The following TACC2 variants were observed in gnomAD, a reference collection of about 807,000 sequenced individuals.
TACC2 encodes transforming acidic coiled-coil-containing protein 2.
Under a neutral mutation model 227.3 loss-of-function variants are expected in TACC2, and 137 were observed. The observed-to-expected ratio is 0.60, with a 90% CI of 0.52 to 0.69. The LOEUF (loss-of-function observed/expected upper bound fraction) is 0.69, where lower values mean the gene tolerates loss of function less well. Ranked by LOEUF, TACC2 falls within the 30% of genes least tolerant of loss-of-function variation. The probability of loss-of-function intolerance (pLI) is 0.00; values close to 1 mark genes in which losing one functional copy is unlikely to be tolerated. For synonymous variants in TACC2, 1,523 were observed against 1,487.5 expected (o/e 1.02, Z -0.55); for missense variants, 3,470 against 3,694.4 (o/e 0.94, Z 1.57).
intron 10 of TACC2, among the ~76,000 whole-genome samples, chr10:122,216,133 G>A (rs1284417059): frequency 1.3e-5 from 2 of 152,142 alleles, no homozygotes; most frequent in Non-Finnish European, 2.9e-5. Context: ...GGGGATAGGG[G>A]CTCAGGTCCC....
intron 7 of TACC2, chr10:122,163,774 C>T (rs1211575219): frequency 2.5e-6 from 3 of 1,221,136 alleles, no homozygotes; most frequent in African/African-American, 3.2e-5. Context: ...TCCCTGCCGC[C>T]GCTCCCGCCG....
At chr10:122,077,166 C>T (rs927843805) in intron 3 of TACC2, among the ~76,000 whole-genome samples, 10 of 150,962 alleles carry the variant, frequency 6.6e-5, no homozygotes, top group Admixed American at 3.3e-4. Context: ...GAAACAACCA[C>T]GATTTGGGTG....
chr10:122,006,404 G>T (rs2135216442), intron 1 of TACC2, among the ~76,000 whole-genome samples: 1 of 152,122 alleles, frequency 6.6e-6, no homozygotes, highest in Admixed American at 6.6e-5. Context: ...AGCCGAGATT[G>T]CGCCACTGCA....
In TACC2 at chr10:122,133,916, G is replaced by T. The variant is rs950866801; in HGVS notation, c.5699+1182G>T. Reference sequence around the variant, plus strand: ...GGGCAGGCCCTGGAGGAATGGTGGCGACTTGAACCAGATGAGGGGGGGACA... The same window carrying T: ...GGGCAGGCCCTGGAGGAATGGTGGCTACTTGAACCAGATGAGGGGGGGACA... On this transcript the variant is annotated intron_variant, in intron 6 of 22. Transcript: ENST00000369005. 2.0e-5 allele frequency among the ~76,000 whole-genome samples: 3 copies of T among 152,174 alleles called. No individual in the cohort carries two copies. The South Asian group carries it at 6.2e-4, about 32-fold the overall frequency.
intron 5 of TACC2, among the ~76,000 whole-genome samples, chr10:122,097,370 TGGA>T (rs1187417456): frequency 1.3e-5 from 2 of 151,050 alleles, no homozygotes; most frequent in African/African-American, 2.4e-5. Context: ...GAAGAAGAGT[TGGA>T]GGAGGAGAAG....
rs762439872 is a variant in TACC2, at chr10:122,211,275, C to G, written c.6850C>G (p.Pro2284Ala). The G allele has an allele frequency of 1.2e-6, 2 of 1,613,962 alleles. No individual in the cohort carries two copies. Among genetic ancestry groups the G allele is most frequent in the Non-Finnish European group, 1.7e-6 (2 of 1,180,028 alleles). ...TTGGGACAACCAGCAGGAAAACCCC[C>G]CTCCTACCAAAAAGATAGGCAAAAA... The part of the protein sequence containing the change: ...SSWDNQQENP[P>A]PTKKIGKKPV... Residue 2284 changes from proline (P) to alanine (A), a missense_variant, in exon 9 of 23, where the codon CCT becomes GCT. Transcript: ENST00000369005.
rs1432084036 is a variant in TACC2 at position 122,249,044 on chromosome 10, T to C, written c.8554-6T>C. On this transcript the variant is annotated splice_polypyrimidine_tract_variant and splice_region_variant and intron_variant, in intron 20 of 22. Transcript: ENST00000369005. The stretch of plus-strand genomic sequence containing the variant: ...TTGACGCCTGTCCTCTGCCCTGCTG[T>C]GTCAGAATGAAGAGGTGTTGAAGAG... The C allele has an allele frequency of 1.2e-6, 2 of 1,610,538 alleles. No individual in the cohort carries two copies. Among genetic ancestry groups the C allele is most frequent in the African/African-American group, 2.7e-5 (2 of 74,888 alleles).
chr10:122,115,726 T>C (rs946349177), intron 5 of TACC2, among the ~76,000 whole-genome samples: 6 of 152,026 alleles, frequency 3.9e-5, no homozygotes, highest in African/African-American at 1.4e-4. Flanking sequence ...AGCACCTGTG[T>C]GTGTGTATGT....
chr10:121,995,688 G>A (rs1289727102), intron 1 of TACC2, among the ~76,000 whole-genome samples: 4 of 152,336 alleles, frequency 2.6e-5, no homozygotes, highest in African/African-American at 9.6e-5. Flanking sequence ...TTCACTCATG[G>A]TGGAAGGCCA....
intron 1 of TACC2, among the ~76,000 whole-genome samples, chr10:122,000,777 AT>A (rs1283594813): frequency 6.6e-6 from 1 of 151,520 alleles, no homozygotes; most frequent in South Asian, 2.1e-4. Flanking sequence ...CCACTGTTCA[AT>A]TTTTTTGTTT....
intron 9 of TACC2, among the ~76,000 whole-genome samples, chr10:122,214,793 CA>C (rs1325366827): frequency 1.8e-4 from 28 of 151,854 alleles, no homozygotes; most frequent in African/African-American, 6.5e-4. Flanking sequence ...TAGGAGAAGA[CA>C]AAAAAAATCA....
Position 122,249,045 on chromosome 10 carries a change from G to A in TACC2, c.8554-5G>A, listed in dbSNP as rs1200861145. 6.2e-7 allele frequency: 1 copy of A among 1,611,332 alleles called. No individual in the cohort carries two copies. The highest frequency in any genetic ancestry group is 8.5e-7 in the Non-Finnish European group (1 of 1,178,864). On this transcript the variant is annotated splice_polypyrimidine_tract_variant and splice_region_variant and intron_variant, in intron 20 of 22. Transcript: ENST00000369005. ...TGACGCCTGTCCTCTGCCCTGCTGT[G>A]TCAGAATGAAGAGGTGTTGAAGAGA...
chr10:122,050,084 A>C lies in TACC2; in HGVS notation c.34-354A>C, dbSNP rs765157506. 6.6e-6 allele frequency among the ~76,000 whole-genome samples: 1 copy of C among 152,152 alleles called. No individual in the cohort carries two copies. The highest frequency in any genetic ancestry group is 2.4e-5 in the African/African-American group (1 of 41,440). On this transcript the variant is annotated intron_variant, in intron 2 of 22. Transcript: ENST00000369005. This position sits in a 1 kb window ranked among gnomAD's most constrained non-coding sequence, Gnocchi z 4.6. ...TTTCATCTCAGGAGTGCCACAAACA[A>C]ATTGGACACTTTCAAGTCTTAGTTT...
Position 122,085,622 on chromosome 10 carries a change from G to A in TACC2, c.3122G>A (p.Gly1041Glu). ...SKREMASGNT[G>E]EAPPCQPDSV... ...AGGGAGATGGCAAGTGGAAACACAG[G>A]GGAGGCCCCACCTTGTCAGCCTGAC... Residue 1041 changes from glycine to glutamate, a missense_variant, in exon 4 of 23, where the codon GGG becomes GAG. Around this residue, in one of 10 missense-constraint regions of TACC2, gnomAD observed 1,924 missense variants for 1,978.3 expected, o/e 0.97. Coordinates refer to ENST00000369005, the MANE Select transcript of TACC2 (RefSeq NM_206862.4). The A allele has an allele frequency of 1.2e-6, 2 of 1,613,378 alleles. No individual in the cohort carries two copies. The highest frequency in any genetic ancestry group is 1.7e-6 in the Non-Finnish European group (2 of 1,180,026).
chr10:122,110,423 G>A (rs1050693947), intron 5 of TACC2, among the ~76,000 whole-genome samples: 9 of 152,214 alleles, frequency 5.9e-5, no homozygotes, highest in African/African-American at 1.9e-4. Context: ...GAGATGTGTG[G>A]GTTGGCCGAG....
intron 6 of TACC2, among the ~76,000 whole-genome samples, chr10:122,137,688 A>C (rs984307978): frequency 6.6e-6 from 1 of 152,212 alleles, no homozygotes; most frequent in Non-Finnish European, 1.5e-5. Flanking sequence ...TTCAGTGTGC[A>C]TCAGAATCAC....
intron 3 of TACC2, among the ~76,000 whole-genome samples, chr10:122,075,946 C>T (rs1476260326): frequency 6.6e-6 from 1 of 152,100 alleles, no homozygotes; most frequent in Non-Finnish European, 1.5e-5. Context: ...ATTACAGGTG[C>T]CTGCCACCAC....
chr10:122,166,187 T>A (rs1320084046), intron 7 of TACC2, among the ~76,000 whole-genome samples: 3 of 152,172 alleles, frequency 2.0e-5, no homozygotes, highest in Non-Finnish European at 4.4e-5. Flanking sequence ...AGAGTGAATG[T>A]TTCCCTTTTT....
chr10:122,224,846 C>A, intron 12 of TACC2, 59 bp downstream of exon 12: 1 of 1,387,270 alleles, frequency 7.2e-7, no homozygotes, highest in Non-Finnish European at 1.0e-6. Flanking sequence ...CAGGGGCCTC[C>A]TCCCCTGTGC....
Sources: gnomAD v4.1 joint callset for allele counts (sites outside exome capture counted in the v4.1 genomes callset) on GRCh38, gnomAD v4.1.1 for gene constraint, gnomAD v4.1.1 regional missense constraint, Gnocchi (gnomAD v3.1) non-coding constraint, MANE v1.5 for transcripts, NCBI Gene and HGNC (gene_info 2026-07-23, HGNC 2026-07-21) for gene names.